PTPRD: variants seen among roughly 807,000 people sequenced by gnomAD.
PTPRD encodes the protein protein tyrosine phosphatase receptor type D.
A neutral mutation model predicts 214.5 loss-of-function variants in PTPRD; 34 were observed. That is an observed-to-expected ratio of 0.16 (90% confidence interval 0.12 to 0.21). PTPRD has a LOEUF of 0.21. Ranked by LOEUF, PTPRD falls within the 10% of genes least tolerant of loss-of-function variation. PTPRD has a pLI of 1.00. For missense variants in PTPRD, 2,545 were observed against 2,398.7 expected (o/e 1.06, Z -1.27); for synonymous variants, 1,128 against 845.7 (o/e 1.33, Z -5.79).
chr9:8,414,233 C>T (rs1046929686), intron 35 of PTPRD, among the ~76,000 whole-genome samples: 1 of 152,166 alleles, frequency 6.6e-6, no homozygotes, highest in Admixed American at 6.5e-5. Flanking sequence ...TGGCTCCCAG[C>T]TCACAAGTGG....
At chr9:9,381,773 T>C (rs1218518220) in intron 9 of PTPRD, among the ~76,000 whole-genome samples, 1 of 152,040 alleles carries the variant, frequency 6.6e-6, no homozygotes, top group Non-Finnish European at 1.5e-5. Context: ...GTTTGCACTA[T>C]AGCTTTGTTA....
At chr9:9,928,694 G>T (rs773759820) in intron 5 of PTPRD, among the ~76,000 whole-genome samples, 8 of 151,256 alleles carry the variant, frequency 5.3e-5, no homozygotes, top group Non-Finnish European at 8.8e-5. Context: ...TGTATTTGGT[G>T]AAAGAAAATA....
intron 12 of PTPRD, among the ~76,000 whole-genome samples, chr9:8,651,926 A>T (rs1323468133): frequency 2.0e-5 from 3 of 152,196 alleles, no homozygotes; most frequent in Non-Finnish European, 4.4e-5. Context: ...TTCAAATATC[A>T]AGTCCCTAAT....
intron 9 of PTPRD, among the ~76,000 whole-genome samples, chr9:9,255,787 G>A (rs139248913): frequency 1.3e-5 from 2 of 152,066 alleles, no homozygotes; most frequent in African/African-American, 2.4e-5. Context: ...CACAAGATCC[G>A]GGACTTTTTT....
intron 8 of PTPRD, among the ~76,000 whole-genome samples, chr9:9,504,820 C>T (rs2096532729): frequency 6.6e-6 from 1 of 151,482 alleles, no homozygotes; most frequent in African/African-American, 2.4e-5. Context: ...GATTGAAAAT[C>T]AATATGCAAA....
chr9:9,015,828 C>G (rs1216647817), intron 11 of PTPRD, among the ~76,000 whole-genome samples: 1 of 152,156 alleles, frequency 6.6e-6, no homozygotes, highest in Non-Finnish European at 1.5e-5. Flanking sequence ...TCTTCCCTGA[C>G]TTCAGCAAGT....
intron 9 of PTPRD, among the ~76,000 whole-genome samples, chr9:9,387,574 T>G (rs181118852): frequency 1.5e-3 from 233 of 152,300 alleles, no homozygotes; most frequent in African/African-American, 5.3e-3. Context: ...TATTAATACT[T>G]TCTAGAAATA....
chr9:9,275,493 C>T (rs1354344663), intron 9 of PTPRD, among the ~76,000 whole-genome samples: 1 of 150,926 alleles, frequency 6.6e-6, no homozygotes, highest in Non-Finnish European at 1.5e-5. Context: ...TCTTACATAT[C>T]TCAGTCTTGG....
At chr9:9,314,912 C>G (rs1961723235) in intron 9 of PTPRD, among the ~76,000 whole-genome samples, 1 of 151,958 alleles carries the variant, frequency 6.6e-6, no homozygotes, top group African/African-American at 2.4e-5. Flanking sequence ...CTCCAGATAT[C>G]CATCACATTT....
At chr9:8,756,867 G>A (rs12348895) in intron 11 of PTPRD, among the ~76,000 whole-genome samples, 7,884 of 152,150 alleles carry the variant, frequency 0.052, 488 homozygotes, top group African/African-American at 0.15. Flanking sequence ...CAGGCCAGGC[G>A]CTGTGGCTCA....
At chr9:8,608,799 T>C (rs1256258714) in intron 14 of PTPRD, among the ~76,000 whole-genome samples, 1 of 151,604 alleles carries the variant, frequency 6.6e-6, no homozygotes, top group Non-Finnish European at 1.5e-5. Context: ...TCTGGAGGGG[T>C]TTATGGAAAT....
chr9:8,512,530 G>A (rs575087539), intron 21 of PTPRD, among the ~76,000 whole-genome samples: 7 of 151,882 alleles, frequency 4.6e-5, no homozygotes, highest in Non-Finnish European at 1.0e-4. Flanking sequence ...ATAAACTTCT[G>A]GAAACCTAAC....
chr9:10,609,927 C>G (rs138885191), intron 2 of PTPRD, among the ~76,000 whole-genome samples: 92 of 152,176 alleles, frequency 6.0e-4, no homozygotes, highest in Non-Finnish European at 1.2e-3. Flanking sequence ...CCAACAGCAA[C>G]TGAAAGCAAA....
At chr9:10,167,823 C>A (rs1004384811) in intron 3 of PTPRD, among the ~76,000 whole-genome samples, 1 of 152,142 alleles carries the variant, frequency 6.6e-6, no homozygotes, top group African/African-American at 2.4e-5. Context: ...AGAGTTGATA[C>A]TGTGTGATAG....
chr9:8,679,725 A>C (rs530233219), intron 12 of PTPRD, among the ~76,000 whole-genome samples: 5 of 152,320 alleles, frequency 3.3e-5, no homozygotes, highest in Non-Finnish European at 7.4e-5. Flanking sequence ...CATGACTGAG[A>C]CCACTGCCAA....
At chr9:9,097,406 T>TC (rs374866021) in intron 10 of PTPRD, among the ~76,000 whole-genome samples, 12 of 151,482 alleles carry the variant, frequency 7.9e-5, no homozygotes, top group African/African-American at 2.9e-4. Context: ...ATGGCTCTTT[T>TC]TTTTTTTTTC....
intron 8 of PTPRD, among the ~76,000 whole-genome samples, chr9:9,510,449 T>A (rs79874099): frequency 6.6e-6 from 1 of 151,624 alleles, no homozygotes; most frequent in African/African-American, 2.4e-5. Flanking sequence ...GATTTCTTAA[T>A]AAGGAAATAT....
At chr9:9,541,742 T>A (rs1003676596) in intron 8 of PTPRD, among the ~76,000 whole-genome samples, 1 of 151,828 alleles carries the variant, frequency 6.6e-6, no homozygotes, top group Non-Finnish European at 1.5e-5. Context: ...GAGCTAAGAA[T>A]GTTTCCACTG....
chr9:8,525,041 T>C lies in PTPRD; in HGVS notation c.569-6A>G, dbSNP rs373749019. ...CTGCTCAATCTGAAGGGCTCCTGTATGGATATAAAATATATTGCCAAAGAG... is the reference window on the plus strand; with the variant it reads ...CTGCTCAATCTGAAGGGCTCCTGTACGGATATAAAATATATTGCCAAAGAG... On this transcript the variant is annotated splice_region_variant and splice_polypyrimidine_tract_variant and intron_variant, in intron 17 of 45. Coordinates refer to ENST00000381196, the MANE Select transcript of PTPRD (RefSeq NM_002839.4). The C allele has an allele frequency of 5.6e-6, 9 of 1,608,090 alleles. No individual in the cohort carries two copies. The highest frequency in any genetic ancestry group is 1.3e-5 in the African/African-American group (1 of 74,856).
Sources: gnomAD v4.1 joint callset for allele counts (sites outside exome capture counted in the v4.1 genomes callset) on GRCh38, gnomAD v4.1.1 for gene constraint, MANE v1.5 for transcripts, NCBI Gene and HGNC (gene_info 2026-07-23, HGNC 2026-07-21) for gene names.